SETBP1: variants seen among roughly 807,000 people sequenced by gnomAD.
The protein encoded by SETBP1 is SET-binding protein.
In SETBP1, 9 loss-of-function variants were observed where a neutral mutation model predicts 101.0. The ratio of observed to expected loss-of-function variants is 0.09; its 90% CI spans 0.05 to 0.16. SETBP1 has a LOEUF of 0.16. Among genes scored for constraint, SETBP1 ranks in the 10% least tolerant of loss-of-function variants. The pLI, the probability that SETBP1 is intolerant of heterozygous loss-of-function variation, is 1.00. For missense variants in SETBP1, 1,858 were observed against 2,033.8 expected, an observed-to-expected ratio of 0.91 and a Z score of 1.66; for synonymous variants, 818 against 788.5, an observed-to-expected ratio of 1.04 and a Z score of -0.63.
rs1219327967 is a variant in SETBP1 at position 44,970,078 on chromosome 18, C to T, written c.4000+16738C>T. The stretch of plus-strand genomic sequence containing the variant: ...CAAAATACATTCATGTGCATTTTCT[C>T]CTTTGACCATCATAGCCCCATGAGC... On this transcript the variant is annotated intron_variant, in intron 4 of 5. Coordinates refer to ENST00000649279, the MANE Select transcript of SETBP1 (RefSeq NM_015559.3). 3 of 154,818 alleles carry T rather than the reference C, an allele frequency of 1.9e-5. No individual in the cohort carries two copies. The South Asian group carries it at 6.1e-4, about 31-fold the overall frequency. 9.6% of individuals were successfully genotyped at this position (154,818 alleles called of 1,614,324 possible).
At chr18:44,928,101 C>G (rs757334075) in intron 3 of SETBP1, among the ~76,000 whole-genome samples, 82 of 152,286 alleles carry the variant, frequency 5.4e-4, no homozygotes, top group African/African-American at 1.7e-3. Flanking sequence ...CCACGACAGG[C>G]CCTGGTGTGT....
intron 4 of SETBP1, among the ~76,000 whole-genome samples, chr18:45,005,829 G>C (rs1172018595): frequency 6.6e-6 from 1 of 150,450 alleles, no homozygotes; most frequent in East Asian, 2.0e-4. Flanking sequence ...TGTATTTTTA[G>C]TAGAGACGGG....
intron 3 of SETBP1, among the ~76,000 whole-genome samples, chr18:44,924,500 A>C (rs780905029): frequency 6.6e-6 from 1 of 152,168 alleles, no homozygotes; most frequent in Non-Finnish European, 1.5e-5. Flanking sequence ...TATACCCTTT[A>C]TCATATTAGC....
chr18:45,030,999 G>T (rs1298280485), intron 4 of SETBP1, among the ~76,000 whole-genome samples: 3 of 151,716 alleles, frequency 2.0e-5, no homozygotes, highest in African/African-American at 7.3e-5. Flanking sequence ...GGTTTTTTGT[G>T]TCTCTATTTC....
At chr18:44,723,037 G>T (rs1009314834) in intron 2 of SETBP1, among the ~76,000 whole-genome samples, 3 of 151,988 alleles carry the variant, frequency 2.0e-5, no homozygotes, top group Non-Finnish European at 4.4e-5. Context: ...AAAATTTTTG[G>T]GTGTGAAAAA....
intron 4 of SETBP1, among the ~76,000 whole-genome samples, chr18:44,981,925 G>A (rs1466309435): frequency 6.6e-6 from 1 of 152,176 alleles, no homozygotes; most frequent in Non-Finnish European, 1.5e-5. Flanking sequence ...TTGCTTCACT[G>A]TAGCATCTTT....
chr18:45,056,341 G>A (rs1236887792), intron 5 of SETBP1, among the ~76,000 whole-genome samples: 2 of 152,192 alleles, frequency 1.3e-5, no homozygotes, highest in African/African-American at 4.8e-5. Context: ...CTGAAAGCCA[G>A]TGAGATCCCC....
chr18:44,685,753 A>G (rs2068827497), intron 1 of SETBP1, among the ~76,000 whole-genome samples: 1 of 152,210 alleles, frequency 6.6e-6, no homozygotes, highest in Non-Finnish European at 1.5e-5. Context: ...TATTGTTGCC[A>G]TAGCCCAGCA....
rs2145096187 is a variant in SETBP1 at position 44,950,503 on chromosome 18, G to A, written c.1163G>A (p.Ser388Asn). Reference protein sequence around the residue: ...QEASPARQNVSSASNPENDSS... With the variant: ...QEASPARQNVNSASNPENDSS... ...GCATCACCAGCCAGGCAGAACGTGA[G>A]TTCTGCCAGTAATCCTGAAAATGAC... The change falls in exon 4 of 6, where the codon AGT becomes AAT. Residue 388 changes from serine to asparagine, a missense_variant. Around this residue, in one of 12 missense-constraint regions of SETBP1, gnomAD observed 581 missense variants for 535.1 expected, o/e 1.09. Coordinates refer to ENST00000649279, the MANE Select transcript of SETBP1 (RefSeq NM_015559.3). 3 of 1,614,100 alleles carry A rather than the reference G, an allele frequency of 1.9e-6. No individual in the cohort carries two copies. In the East Asian group the frequency reaches 6.7e-5, roughly 36 times the overall value.
chr18:44,873,041 T>A (rs1482242706), intron 3 of SETBP1, among the ~76,000 whole-genome samples: 2 of 152,204 alleles, frequency 1.3e-5, no homozygotes, highest in Non-Finnish European at 2.9e-5. Context: ...TTCTAAAATG[T>A]CAATTGCTAC....
At chr18:45,007,033 T>C (rs970658954) in intron 4 of SETBP1, among the ~76,000 whole-genome samples, 1 of 152,150 alleles carries the variant, frequency 6.6e-6, no homozygotes, top group African/African-American at 2.4e-5. Flanking sequence ...AGAAGTTCTG[T>C]CAAAATATGC....
chr18:44,685,544 C>T (rs956191441), intron 1 of SETBP1, among the ~76,000 whole-genome samples: 2 of 152,166 alleles, frequency 1.3e-5, no homozygotes, highest in African/African-American at 4.8e-5. Flanking sequence ...GATCGTGTCC[C>T]TGTACTTCCC....
In SETBP1 at chr18:44,850,666, C is replaced by T. The variant is rs564253319; in HGVS notation, c.487-18564C>T. On this transcript the variant is annotated intron_variant, in intron 2 of 5. Coordinates refer to ENST00000649279, the MANE Select transcript of SETBP1 (RefSeq NM_015559.3). ...AATTATAGGTGTGAGCCACAGCACC[C>T]GGCACCAGATGGCTTCTTATATCAG... Among the ~76,000 whole-genome samples the T allele has an allele frequency of 1.6e-4, 24 of 152,152 alleles. No homozygotes were observed. In the East Asian group the frequency reaches 1.7e-3, roughly 11 times the overall value.
Position 44,835,043 on chromosome 18 carries a change from T to C in SETBP1, c.487-34187T>C, listed in dbSNP as rs180899373. 7.9e-5 allele frequency among the ~76,000 whole-genome samples: 12 copies of C among 152,236 alleles called. No homozygotes were observed. In the East Asian group the frequency reaches 2.1e-3, roughly 27 times the overall value. On this transcript the variant is annotated intron_variant, in intron 2 of 5. Coordinates refer to ENST00000649279, the MANE Select transcript of SETBP1 (RefSeq NM_015559.3). The stretch of plus-strand genomic sequence containing the variant: ...GATCTTTATCAGAGCAGATGGGCCT[T>C]CTTGGAGTTTCTAGGGAGATTGGAT...
intron 3 of SETBP1, among the ~76,000 whole-genome samples, chr18:44,947,986 T>C (rs112276342): frequency 2.3e-4 from 35 of 152,150 alleles, no homozygotes; most frequent in Non-Finnish European, 4.4e-5. Context: ...AAACTAGCAA[T>C]GCCCTGATTC....
chr18:44,991,818 T>C (rs1352022362), intron 4 of SETBP1, among the ~76,000 whole-genome samples: 1 of 152,096 alleles, frequency 6.6e-6, no homozygotes, highest in Non-Finnish European at 1.5e-5. Context: ...AAGTGCTACA[T>C]CCAACTAATA....
intron 4 of SETBP1, among the ~76,000 whole-genome samples, chr18:44,954,421 CCAAT>C (rs2071439987): frequency 1.3e-5 from 2 of 150,382 alleles, no homozygotes. Flanking sequence ...GCTTTAAAAA[CCAAT>C]CATCCATGTT....
At chr18:44,857,223 G>A (rs2072997184) in intron 2 of SETBP1, among the ~76,000 whole-genome samples, 1 of 152,118 alleles carries the variant, frequency 6.6e-6, no homozygotes, top group African/African-American at 2.4e-5. Context: ...ATACAGATAG[G>A]CTTTGCCAAC....
At chr18:44,681,314 C>G (rs550385643) in intron 1 of SETBP1, among the ~76,000 whole-genome samples, 2 of 152,308 alleles carry the variant, frequency 1.3e-5, no homozygotes, top group East Asian at 1.9e-4. Context: ...AAACCATTAT[C>G]TCTTTGACCG....
Sources: gnomAD v4.1 joint callset for allele counts (sites outside exome capture counted in the v4.1 genomes callset) on GRCh38, gnomAD v4.1.1 for gene constraint, gnomAD v4.1.1 regional missense constraint, MANE v1.5 for transcripts, NCBI Gene and HGNC (gene_info 2026-07-23, HGNC 2026-07-21) for gene names.